LRRC28: variants seen among roughly 807,000 people sequenced by gnomAD.
LRRC28 encodes the protein leucine rich repeat containing 28, also known as leucine-rich repeat-containing protein 28.
LRRC28 carries 39 observed loss-of-function variants against 45.7 expected under a neutral mutation model. The ratio of observed to expected loss-of-function variants is 0.85; its 90% CI spans 0.66 to 1.12. The LOEUF (loss-of-function observed/expected upper bound fraction) is 1.12, where lower values mean the gene tolerates loss of function less well. Ranked by LOEUF, LRRC28 falls within the 50% of genes most tolerant of loss-of-function variation. The pLI is 0.00. For synonymous variants in LRRC28, 206 were observed against 178.8 expected (o/e 1.15, Z -1.22); for missense variants, 435 against 438.5 (o/e 0.99, Z 0.07).
intron 6 of LRRC28, among the ~76,000 whole-genome samples, chr15:99,334,470 A>G (rs1326686715): frequency 6.6e-6 from 1 of 151,548 alleles, no homozygotes; most frequent in Non-Finnish European, 1.5e-5. Flanking sequence ...AAAGATAGCT[A>G]GCTACGGGTC....
intron 3 of LRRC28, among the ~76,000 whole-genome samples, chr15:99,283,447 A>G (rs1412140241): frequency 6.6e-6 from 1 of 150,586 alleles, no homozygotes; most frequent in East Asian, 2.0e-4. Context: ...CCCCATCTCT[A>G]CTGAAAATAC....
chr15:99,289,366 T>G (rs920114311), intron 5 of LRRC28, among the ~76,000 whole-genome samples: 5 of 152,240 alleles, frequency 3.3e-5, no homozygotes, highest in Admixed American at 2.0e-4. Context: ...ATTTTTACTC[T>G]TTTGAGTAAA....
intron 5 of LRRC28, 143 bp from the exon 6 acceptor site, chr15:99,333,780 A>G: frequency 2.4e-6 from 2 of 844,232 alleles, no homozygotes; most frequent in Non-Finnish European, 3.7e-6. Context: ...ATTTTCACCA[A>G]AAATCCTGCA....
rs28541502 is a variant in LRRC28, at chr15:99,319,382, G to A, written c.386-14541G>A. Among the ~76,000 whole-genome samples the A allele has an allele frequency of 1.0e-2, 1,519 of 152,240 alleles. 16 individuals are homozygous for A. The highest frequency in any genetic ancestry group is 0.034 in the African/African-American group (1,423 of 41,564). The stretch of plus-strand genomic sequence containing the variant: ...GGAAGATAAAGGATTTTTCCAAATA[G>A]AAATCCATGTACAGACACAAAGCGA... On this transcript the variant is annotated intron_variant, in intron 5 of 9. Coordinates refer to ENST00000301981, the MANE Select transcript of LRRC28 (RefSeq NM_144598.5).
chr15:99,278,610 C>CTTTA (rs2081687346), intron 3 of LRRC28, among the ~76,000 whole-genome samples: 1 of 152,200 alleles, frequency 6.6e-6, no homozygotes, highest in South Asian at 2.1e-4. Flanking sequence ...AAGATGCTGG[C>CTTTA]TTTACAGTTA....
chr15:99,323,945 A>G (rs1405027463), intron 5 of LRRC28, among the ~76,000 whole-genome samples: 4 of 152,192 alleles, frequency 2.6e-5, no homozygotes, highest in Admixed American at 6.5e-5. Context: ...GTACCAGAGT[A>G]TGTGTATTCC....
chr15:99,324,855 T>C (rs1021972476), intron 5 of LRRC28, among the ~76,000 whole-genome samples: 5 of 152,144 alleles, frequency 3.3e-5, no homozygotes, highest in Admixed American at 6.6e-5. Context: ...AAGAGTAGGA[T>C]TCTACCAGGA....
intron 5 of LRRC28, among the ~76,000 whole-genome samples, chr15:99,303,748 C>A (rs548205216): frequency 8.8e-4 from 134 of 151,982 alleles, no homozygotes; most frequent in African/African-American, 3.2e-3. Context: ...GCAGGAGAAT[C>A]GCATGAATCC....
chr15:99,361,063 A>G, intron 7 of LRRC28: 1 of 273,482 alleles, frequency 3.7e-6, no homozygotes. Context: ...CAAATTGTGT[A>G]CGGCCTAAGA....
In LRRC28 at chr15:99,292,975, C is replaced by T. The variant is rs1338266627; in HGVS notation, c.385+5024C>T. ...ATTTTCAAATTGGAATTAAGTCCTC[C>T]TTCTTCCCAACTGACTTTCACCATT... On this transcript the variant is annotated intron_variant, in intron 5 of 9. Coordinates refer to ENST00000301981, the MANE Select transcript of LRRC28 (RefSeq NM_144598.5). Among the ~76,000 whole-genome samples the T allele has an allele frequency of 2.0e-5, 3 of 152,178 alleles. No homozygotes were observed. In the East Asian group the frequency reaches 5.8e-4, roughly 29 times the overall value.
chr15:99,377,697 T>C (rs998287448), intron 9 of LRRC28, among the ~76,000 whole-genome samples: 11 of 152,188 alleles, frequency 7.2e-5, no homozygotes, highest in Admixed American at 2.0e-4. Flanking sequence ...AAGTCTTTAA[T>C]CCATCTTGAA....
At chr15:99,341,393 G>A (rs940317343) in intron 6 of LRRC28, among the ~76,000 whole-genome samples, 67 of 152,156 alleles carry the variant, frequency 4.4e-4, no homozygotes, top group African/African-American at 1.4e-3. Context: ...CGCCCGGCCT[G>A]TTCTGCTGTC....
chr15:99,315,407 T>C (rs950045471), intron 5 of LRRC28, among the ~76,000 whole-genome samples: 13 of 152,308 alleles, frequency 8.5e-5, no homozygotes, highest in Non-Finnish European at 1.5e-4. Context: ...TCTCTTATTA[T>C]AGGCTTAAAA....
intron 2 of LRRC28, among the ~76,000 whole-genome samples, chr15:99,267,885 T>C (rs8041904): frequency 0.02 from 3,119 of 152,310 alleles, 104 homozygotes; most frequent in African/African-American, 0.071. Context: ...TCATAATGAC[T>C]TTCATTTTTC....
At chr15:99,374,051 T>C (rs1455030272) in intron 9 of LRRC28, among the ~76,000 whole-genome samples, 2 of 152,000 alleles carry the variant, frequency 1.3e-5, no homozygotes, top group African/African-American at 4.8e-5. Context: ...TACTTTGCTT[T>C]TCCCTTTCAG....
chr15:99,275,980 C>T (rs1364893049), intron 2 of LRRC28, among the ~76,000 whole-genome samples: 2 of 152,104 alleles, frequency 1.3e-5, no homozygotes, highest in South Asian at 2.1e-4. Flanking sequence ...CTTGCATTAC[C>T]GCTTGAATGC....
At chr15:99,366,668 C>T (rs114402882) in intron 9 of LRRC28, among the ~76,000 whole-genome samples, 2,828 of 152,162 alleles carry the variant, frequency 0.019, 98 homozygotes, top group African/African-American at 0.064. Flanking sequence ...GAGGATTCCA[C>T]CTCATGACCT....
intron 9 of LRRC28, among the ~76,000 whole-genome samples, chr15:99,381,325 G>A (rs542271002): frequency 2.0e-5 from 3 of 151,934 alleles, no homozygotes; most frequent in Admixed American, 1.3e-4. Context: ...TGATCAAATC[G>A]GCTACTGAAG....
chr15:99,363,445 CT>C (rs1957261406), intron 9 of LRRC28, 180 bp downstream of exon 9: 1 of 618,040 alleles, frequency 1.6e-6, no homozygotes, highest in Admixed American at 3.4e-5. Flanking sequence ...CTGGACTTGC[CT>C]TTATTAATTT....
Sources: allele counts gnomAD v4.1 joint callset (sites outside exome capture counted in the v4.1 genomes callset), GRCh38; gene constraint gnomAD v4.1.1; transcripts MANE v1.5; gene names NCBI Gene and HGNC (gene_info 2026-07-23, HGNC 2026-07-21).